CDH17: variants seen among roughly 807,000 people sequenced by gnomAD.
CDH17 encodes cadherin-17.
In CDH17, 67 loss-of-function variants were observed where a neutral mutation model predicts 86.3. The ratio of observed to expected loss-of-function variants is 0.78; its 90% CI spans 0.64 to 0.95. The LOEUF (loss-of-function observed/expected upper bound fraction) is 0.95, where lower values mean the gene tolerates loss of function less well. Among genes scored for constraint, CDH17 ranks in the 40% least tolerant of loss-of-function variants. The pLI, the probability that CDH17 is intolerant of heterozygous loss-of-function variation, is 0.00. For missense variants in CDH17, 993 were observed against 1,017.6 expected (o/e 0.98, Z 0.33); for synonymous variants, 367 against 366.4 (o/e 1.00, Z -0.02).
chr8:94,176,734 C>T (rs370927561), intron 4 of CDH17, 55 bp from the exon 5 acceptor site: 14 of 1,535,970 alleles, frequency 9.1e-6, no homozygotes, highest in Non-Finnish European at 1.2e-5. Context: ...ATGTCACATG[C>T]CCAAAAATCA....
intron 12 of CDH17, among the ~76,000 whole-genome samples, chr8:94,158,756 A>G (rs1743008619): frequency 6.6e-6 from 1 of 152,228 alleles, no homozygotes; most frequent in African/African-American, 2.4e-5. Context: ...GAAATGCAGC[A>G]GGGCCCTTGG....
intron 12 of CDH17, among the ~76,000 whole-genome samples, chr8:94,159,702 G>T (rs896906310): frequency 2.6e-4 from 39 of 152,212 alleles, no homozygotes; most frequent in African/African-American, 8.9e-4. Context: ...CTAAAAAATT[G>T]TTCATCCTGC....
intron 3 of CDH17, among the ~76,000 whole-genome samples, chr8:94,186,502 C>G (rs1813583330): frequency 6.6e-6 from 1 of 152,154 alleles, no homozygotes; most frequent in Non-Finnish European, 1.5e-5. Context: ...ACAGGCACCC[C>G]CAAGCGTCTT....
intron 3 of CDH17, among the ~76,000 whole-genome samples, chr8:94,188,059 A>G (rs1813614814): frequency 6.6e-6 from 1 of 152,158 alleles, no homozygotes; most frequent in South Asian, 2.1e-4. Context: ...GGAACTGTCC[A>G]GCACAATACA....
At chr8:94,157,710 A>G (rs773944701) in intron 12 of CDH17, among the ~76,000 whole-genome samples, 4 of 152,152 alleles carry the variant, frequency 2.6e-5, no homozygotes, top group Non-Finnish European at 5.9e-5. Flanking sequence ...TGAGCCCAGG[A>G]GTTCAAGACC....
chr8:94,217,066 G>A (rs185622516), intron 1 of CDH17: 29 of 152,284 alleles, frequency 1.9e-4, no homozygotes, highest in African/African-American at 7.0e-4. Flanking sequence ...GAGCAAAGAA[G>A]ATACAAATCG....
chr8:94,201,707 C>A (rs1477360190), intron 1 of CDH17, among the ~76,000 whole-genome samples: 1 of 152,164 alleles, frequency 6.6e-6, no homozygotes, highest in East Asian at 1.9e-4. Flanking sequence ...CCCCATGGAA[C>A]TTTTGTTTAG....
chr8:94,194,863 C>T (rs1384218182), intron 1 of CDH17, among the ~76,000 whole-genome samples, 158 bp from the exon 2 acceptor site: 3 of 152,214 alleles, frequency 2.0e-5, no homozygotes, highest in Non-Finnish European at 4.4e-5. Flanking sequence ...CCCAGTCTTC[C>T]AGAAGCTTCA....
At chr8:94,146,216 CTT>C (rs923173737) in intron 14 of CDH17, 49 bp from the exon 15 acceptor site, 1 of 1,383,412 alleles carries the variant, frequency 7.2e-7, no homozygotes, top group African/African-American at 1.5e-5. Context: ...TCATTTTCCT[CTT>C]AATAAGAAAG....
chr8:94,171,132 T>C (rs1177308021), intron 7 of CDH17, 147 bp from the exon 8 acceptor site: 1 of 822,490 alleles, frequency 1.2e-6, no homozygotes, highest in Non-Finnish European at 1.8e-6. Flanking sequence ...GTTTTTCACT[T>C]TTAACCTAAA....
At chr8:94,163,877 T>C (rs10956903) in intron 10 of CDH17, among the ~76,000 whole-genome samples, 77,847 of 152,106 alleles carry the variant, frequency 0.51, 21,761 homozygotes, top group African/African-American at 0.75. Flanking sequence ...ACTGGCTCAC[T>C]GCTCTGCACA....
chr8:94,152,236 T>C, intron 12 of CDH17, 124 bp from the exon 13 acceptor site: 3 of 955,932 alleles, frequency 3.1e-6, no homozygotes, highest in East Asian at 2.6e-5. Context: ...GATATCCACA[T>C]GTGGGAGAAT....
chr8:94,171,235 C>T (rs1813264226), intron 7 of CDH17, among the ~76,000 whole-genome samples: 1 of 152,168 alleles, frequency 6.6e-6, no homozygotes, highest in African/African-American at 2.4e-5. Context: ...AAACCCTCTA[C>T]AGGGTTTCTG....
At chr8:94,210,729 A>T (rs2129672039), upstream of CDH17, among the ~76,000 whole-genome samples, 1 of 152,310 alleles carries the variant, frequency 6.6e-6, no homozygotes, top group South Asian at 2.1e-4. Context: ...ATAGGATGAA[A>T]ACAACTGAAG....
At chr8:94,180,689 A>G (rs1000848728) in intron 3 of CDH17, among the ~76,000 whole-genome samples, 4 of 152,048 alleles carry the variant, frequency 2.6e-5, no homozygotes, top group Non-Finnish European at 5.9e-5. Context: ...AGATTAGGAG[A>G]TCGAGACCTT....
chr8:94,131,044 CAGGAA>C (rs1409444578), intron 15 of CDH17, 52 bp from the exon 16 acceptor site: 1 of 955,810 alleles, frequency 1.0e-6, no homozygotes, highest in South Asian at 1.4e-5. Flanking sequence ...CCTGGATTAG[CAGGAA>C]TAAAGCTCAT....
At chr8:94,138,952 A>C (rs556078725) in intron 15 of CDH17, among the ~76,000 whole-genome samples, 63 of 152,348 alleles carry the variant, frequency 4.1e-4, no homozygotes, top group African/African-American at 1.5e-3. Context: ...CAGCATCTAA[A>C]TGTCTGGCAT....
intron 3 of CDH17, among the ~76,000 whole-genome samples, chr8:94,179,329 G>T (rs1029343043): frequency 6.6e-6 from 1 of 152,212 alleles, no homozygotes; most frequent in Non-Finnish European, 1.5e-5. Flanking sequence ...GGCATTTGTT[G>T]AAAACAACCA....
At chr8:94,131,533 C>A (rs780915702) in intron 15 of CDH17, among the ~76,000 whole-genome samples, 1 of 152,144 alleles carries the variant, frequency 6.6e-6, no homozygotes, top group Non-Finnish European at 1.5e-5. Context: ...TTGGACATTA[C>A]TTTTAATTTG....
Sources: gnomAD v4.1 joint callset for allele counts (sites outside exome capture counted in the v4.1 genomes callset) on GRCh38, gnomAD v4.1.1 for gene constraint, MANE v1.5 for transcripts, NCBI Gene and HGNC (gene_info 2026-07-23, HGNC 2026-07-21) for gene names.